MECOM: variants seen among roughly 807,000 people sequenced by gnomAD.
MECOM encodes the protein histone-lysine N-methyltransferase MECOM.
MECOM carries 13 observed loss-of-function variants against 116.3 expected under a neutral mutation model. The ratio of observed to expected loss-of-function variants is 0.11; its 90% CI spans 0.07 to 0.18. The LOEUF is 0.18. MECOM is among the 10% of genes least tolerant of loss of function. The pLI, the probability that MECOM is intolerant of heterozygous loss-of-function variation, is 1.00. For synonymous variants in MECOM, 528 were observed against 535.2 expected (o/e 0.99, Z 0.19); for missense variants, 1,299 against 1,509.0 (o/e 0.86, Z 2.31).
intron 1 of MECOM, among the ~76,000 whole-genome samples, chr3:169,657,703 C>T (rs1432658635): frequency 6.6e-6 from 1 of 152,128 alleles, no homozygotes; most frequent in Non-Finnish European, 1.5e-5. Context: ...ATAAGCTGCC[C>T]CAGCCAGGGC....
At chr3:169,342,208 T>C (rs995727470) in intron 2 of MECOM, among the ~76,000 whole-genome samples, 7 of 152,096 alleles carry the variant, frequency 4.6e-5, no homozygotes, top group Non-Finnish European at 8.8e-5. Flanking sequence ...TAATGAAATA[T>C]GTATAATTTA....
intron 2 of MECOM, among the ~76,000 whole-genome samples, chr3:169,296,582 C>T (rs909214884): frequency 8.5e-5 from 13 of 152,268 alleles, no homozygotes; most frequent in East Asian, 7.7e-4. Flanking sequence ...CTGAAATCCA[C>T]GCCTAGTTCC....
At chr3:169,633,840 A>G (rs1234226188) in intron 1 of MECOM, among the ~76,000 whole-genome samples, 2 of 151,604 alleles carry the variant, frequency 1.3e-5, no homozygotes, top group Non-Finnish European at 2.9e-5. Context: ...AGTGTCAGGG[A>G]GGAAACAAAG....
At chr3:169,581,336 T>C (rs1260779630) in intron 1 of MECOM, among the ~76,000 whole-genome samples, 4 of 152,152 alleles carry the variant, frequency 2.6e-5, no homozygotes, top group Non-Finnish European at 5.9e-5. Context: ...TAATCAAAAG[T>C]TGACCTCCCA....
At chr3:169,207,464 A>C (rs1750089234) in intron 2 of MECOM, among the ~76,000 whole-genome samples, 1 of 152,218 alleles carries the variant, frequency 6.6e-6, no homozygotes, top group African/African-American at 2.4e-5. Context: ...TTAATAATAT[A>C]GATATAAGAA....
intron 1 of MECOM, among the ~76,000 whole-genome samples, chr3:169,495,162 T>C (rs1753659201): frequency 6.6e-6 from 1 of 152,200 alleles, no homozygotes; most frequent in Non-Finnish European, 1.5e-5. Context: ...CCGTTAATCA[T>C]TTTCATTGCT....
At chr3:169,518,207 C>G (rs139316622) in intron 1 of MECOM, among the ~76,000 whole-genome samples, 1 of 151,062 alleles carries the variant, frequency 6.6e-6, no homozygotes, top group Non-Finnish European at 1.5e-5. Context: ...TGCAGTGAGC[C>G]GAGATCGCAC....
At chr3:169,433,575 A>G (rs1316863216) in intron 1 of MECOM, among the ~76,000 whole-genome samples, 3 of 149,148 alleles carry the variant, frequency 2.0e-5, no homozygotes, top group Non-Finnish European at 3.0e-5. Flanking sequence ...GAAGGAAGGA[A>G]GGAAAAAAGG....
intron 1 of MECOM, among the ~76,000 whole-genome samples, chr3:169,519,780 G>T (rs1052607860): frequency 6.6e-6 from 1 of 152,232 alleles, no homozygotes; most frequent in African/African-American, 2.4e-5. Flanking sequence ...AAATGCTCTT[G>T]ATTTTTGACT....
intron 1 of MECOM, among the ~76,000 whole-genome samples, chr3:169,639,927 T>G (rs1237160810): frequency 2.6e-5 from 4 of 152,232 alleles, no homozygotes; most frequent in Non-Finnish European, 5.9e-5. Flanking sequence ...CTATGCTATG[T>G]GTCCCATTCT....
chr3:169,137,830 A>C (rs74325362), intron 3 of MECOM, among the ~76,000 whole-genome samples: 1 of 152,238 alleles, frequency 6.6e-6, no homozygotes, highest in East Asian at 1.9e-4. Context: ...CAATTGATAA[A>C]GATGCACATT....
At chr3:169,516,783 G>A (rs1030693301) in intron 1 of MECOM, among the ~76,000 whole-genome samples, 1 of 152,154 alleles carries the variant, frequency 6.6e-6, no homozygotes, top group Non-Finnish European at 1.5e-5. Flanking sequence ...TCTTCCTGGG[G>A]AATTCATATT....
At chr3:169,363,950 T>C (rs1247346835) in intron 2 of MECOM, among the ~76,000 whole-genome samples, 4 of 152,012 alleles carry the variant, frequency 2.6e-5, no homozygotes, top group African/African-American at 4.8e-5. Flanking sequence ...AGTGGTAGTC[T>C]TTGGCTTCAT....
chr3:169,540,291 C>T (rs1274589108), intron 1 of MECOM, among the ~76,000 whole-genome samples: 1 of 152,138 alleles, frequency 6.6e-6, no homozygotes, highest in Non-Finnish European at 1.5e-5. Context: ...TCCCTCACTC[C>T]CACAACCAAG....
intron 2 of MECOM, among the ~76,000 whole-genome samples, chr3:169,268,446 T>C (rs1758564127): frequency 6.6e-6 from 1 of 152,192 alleles, no homozygotes; most frequent in Admixed American, 6.5e-5. Flanking sequence ...AGTCCCTTCT[T>C]ATAAGCCTCC....
chr3:169,658,435 C>G (rs1251394583), intron 1 of MECOM, among the ~76,000 whole-genome samples: 1 of 152,240 alleles, frequency 6.6e-6, no homozygotes, highest in Non-Finnish European at 1.5e-5. Context: ...CCTTGTCTTC[C>G]TGAAGCCAAG....
chr3:169,253,331 C>T (rs1313660035), intron 2 of MECOM, among the ~76,000 whole-genome samples: 2 of 151,598 alleles, frequency 1.3e-5, no homozygotes, highest in Non-Finnish European at 2.9e-5. Context: ...ATATCTCTAG[C>T]GTGTAACTAA....
chr3:169,639,463 G>A (rs1773202285), intron 1 of MECOM, among the ~76,000 whole-genome samples: 1 of 152,182 alleles, frequency 6.6e-6, no homozygotes, highest in Non-Finnish European at 1.5e-5. Context: ...ATAGTCTGAA[G>A]CCAACACACA....
intron 1 of MECOM, among the ~76,000 whole-genome samples, chr3:169,489,988 T>C (rs904873228): frequency 1.3e-5 from 2 of 152,196 alleles, no homozygotes; most frequent in African/African-American, 2.4e-5. Context: ...TTGCAATGTA[T>C]GTAAGCAACA....
Sources: allele counts gnomAD v4.1 joint callset (sites outside exome capture counted in the v4.1 genomes callset), GRCh38; gene constraint gnomAD v4.1.1; transcripts MANE v1.5; gene names NCBI Gene and HGNC (gene_info 2026-07-23, HGNC 2026-07-21).